Variants in SIPA1L2 observed in about 807,000 individuals in gnomAD.
SIPA1L2 encodes signal induced proliferation associated 1 like 2, also known as signal-induced proliferation-associated 1-like protein 2.
SIPA1L2 carries 56 observed loss-of-function variants against 163.9 expected under a neutral mutation model. The observed-to-expected ratio is 0.34, with a 90% CI of 0.28 to 0.43. The LOEUF is 0.43. Ranked by LOEUF, SIPA1L2 falls within the 20% of genes least tolerant of loss-of-function variation. SIPA1L2 has a pLI of 1.00. For synonymous variants in SIPA1L2, 877 were observed against 865.7 expected (o/e 1.01, Z -0.23); for missense variants, 1,974 against 2,193.5 (o/e 0.90, Z 2.00).
chr1:232,475,745 T>G (rs958915926), intron 7 of SIPA1L2, among the ~76,000 whole-genome samples: 1 of 152,180 alleles, frequency 6.6e-6, no homozygotes, highest in Non-Finnish European at 1.5e-5. Context: ...CAAGAGCAAA[T>G]GTACAAACGA....
At chr1:232,420,561 C>T (rs1260699764) in intron 18 of SIPA1L2, among the ~76,000 whole-genome samples, 3 of 152,056 alleles carry the variant, frequency 2.0e-5, no homozygotes, top group Non-Finnish European at 4.4e-5. Context: ...TGTGGCTGGG[C>T]GTGGTGGCTC....
At position 232,493,587 on chromosome 1, in the gene SIPA1L2, T is replaced by C. The variant is rs1416187871; in HGVS notation, c.1557A>G (p.Glu519=). The C allele has an allele frequency of 3.1e-6, 5 of 1,614,034 alleles. No individual in the cohort carries two copies. Among genetic ancestry groups the C allele is most frequent in the Non-Finnish European group, 4.2e-6 (5 of 1,180,042 alleles). The change falls in exon 4 of 23, where the codon GAA becomes GAG. Residue 519 remains glutamate, a synonymous_variant. Transcript: ENST00000674635. ...VAVSIRREKV[E]DAKEKEGSQF... The stretch of plus-strand genomic sequence containing the variant: ...GGGATCCTTCTTTCTCCTTGGCATC[T>C]TCCACCTTCTCTCTCCGGATGCTGA...
chr1:232,555,753 G>C (rs756107015), intron 2 of SIPA1L2, among the ~76,000 whole-genome samples: 1 of 152,194 alleles, frequency 6.6e-6, no homozygotes, highest in African/African-American at 2.4e-5. Context: ...TGAAAGGACA[G>C]AACAGCAGGG....
Position 232,399,393 on chromosome 1 carries a change from G to A in SIPA1L2, c.5023-120C>T, listed in dbSNP as rs567552737. 2.1e-5 allele frequency: 24 copies of A among 1,130,398 alleles called. No homozygotes were observed. The African/African-American group carries it at 3.0e-4, about 14-fold the overall frequency. The allele number at this position is 1,130,398 out of a possible 1,614,324, so 70.0% of individuals were successfully genotyped here. ...CTTATGTACTTTTTGAGGGGAGAAG[G>A]GGTGACTTTCTTTAGTGAGGGGACT... On this transcript the variant is annotated intron_variant, in intron 22 of 22. Transcript: ENST00000674635.
intron 10 of SIPA1L2, among the ~76,000 whole-genome samples, chr1:232,451,127 G>A (rs979870142): frequency 6.6e-6 from 1 of 152,098 alleles, no homozygotes; most frequent in Non-Finnish European, 1.5e-5. Flanking sequence ...TATGACTAAG[G>A]TGCCAAATTA....
chr1:232,582,210 G>A (rs1243726890), intron 1 of SIPA1L2, among the ~76,000 whole-genome samples: 3 of 151,926 alleles, frequency 2.0e-5, no homozygotes, highest in African/African-American at 7.3e-5. Flanking sequence ...GATACAGGGG[G>A]TACATGTGCA....
rs1311440185 is a variant in SIPA1L2 at position 232,572,760 on chromosome 1, T to TAC, written c.-270+1413_-270+1414insGT. 2.1e-4 allele frequency among the ~76,000 whole-genome samples: 17 copies of TAC among 81,078 alleles called. 1 individual carries two copies. The East Asian group carries it at 3.0e-3, about 14-fold the overall frequency. The allele number at this position is 81,078 out of a possible 152,430, so 53.2% of individuals were successfully genotyped here. A position where few individuals can be genotyped will look rare whatever the true frequency, so the allele number is the denominator to read the frequency against. Reference sequence around the variant, plus strand: ...ATACATATATATATATATATATATATATATATATATATATATATATTTATT... The same window carrying TAC: ...ATACATATATATATATATATATATATACATATATATATATATATATATTTATT... On this transcript the variant is annotated intron_variant, in intron 2 of 22. Coordinates refer to ENST00000674635, the MANE Select transcript of SIPA1L2 (RefSeq NM_020808.5).
At chr1:232,452,203 C>T (rs1663625041) in intron 10 of SIPA1L2, among the ~76,000 whole-genome samples, 1 of 151,978 alleles carries the variant, frequency 6.6e-6, no homozygotes, top group South Asian at 2.1e-4. Flanking sequence ...CATATTCATA[C>T]TCATGGGCTT....
At chr1:232,619,892 G>T (rs756389641) in intron 1 of SIPA1L2, among the ~76,000 whole-genome samples, 5 of 143,114 alleles carry the variant, frequency 3.5e-5, no homozygotes, top group South Asian at 4.4e-4. Context: ...GCTCCAAATA[G>T]ATTTTTTTTT....
At chr1:232,448,466 C>G (rs1183997046) in intron 10 of SIPA1L2, among the ~76,000 whole-genome samples, 1 of 152,212 alleles carries the variant, frequency 6.6e-6, no homozygotes, top group African/African-American at 2.4e-5. Flanking sequence ...ACTCCACTGT[C>G]AGCATGGTAT....
At chr1:232,620,934 G>C (rs1662775607) in intron 1 of SIPA1L2, among the ~76,000 whole-genome samples, 1 of 152,208 alleles carries the variant, frequency 6.6e-6, no homozygotes, top group African/African-American at 2.4e-5. Context: ...GTAAAGTACT[G>C]TGGATGAATC....
rs1664464423 is a variant in SIPA1L2, at chr1:232,465,519, CACACACACACACACAT to C, written c.2244-119_2244-104del. The C allele has an allele frequency of 6.1e-6, 4 of 650,474 alleles. No homozygotes were observed. Among genetic ancestry groups the C allele is most frequent in the African/African-American group, 5.7e-5 (3 of 52,458 alleles). 40.3% of individuals were successfully genotyped at this position (650,474 alleles called of 1,614,324 possible). On this transcript the variant is annotated intron_variant, in intron 8 of 22. Coordinates refer to ENST00000674635, the MANE Select transcript of SIPA1L2 (RefSeq NM_020808.5). This position sits in a 1 kb window ranked among gnomAD's most constrained non-coding sequence, Gnocchi z 4.1. ...ATACACACACACACACATATACATA[CACACACACACACACAT>C]ATACATACACACATACACACACACT...
In SIPA1L2 at chr1:232,416,096, C is replaced by A. The variant is rs1356783183; in HGVS notation, c.4631-471G>T. On this transcript the variant is annotated intron_variant, in intron 18 of 22. Coordinates refer to ENST00000674635, the MANE Select transcript of SIPA1L2 (RefSeq NM_020808.5). The stretch of plus-strand genomic sequence containing the variant: ...TCAGTCAGAACACGGGCACCACTGT[C>A]CCTCCCAGAGTCAGTCAGAACACGG... 7.6e-5 allele frequency among the ~76,000 whole-genome samples: 8 copies of A among 105,054 alleles called. 1 individual carries two copies. Among genetic ancestry groups the A allele is most frequent in the Non-Finnish European group, 1.4e-4 (6 of 42,360 alleles). 68.9% of individuals were successfully genotyped at this position (105,054 alleles called of 152,430 possible). A position where few individuals can be genotyped will look rare whatever the true frequency, so the allele number is the denominator to read the frequency against.
intron 19 of SIPA1L2, among the ~76,000 whole-genome samples, chr1:232,413,891 A>G (rs1661096362): frequency 6.6e-6 from 1 of 152,152 alleles, no homozygotes; most frequent in Non-Finnish European, 1.5e-5. Context: ...TAGTGTGTAA[A>G]GAACACCCCA....
intron 10 of SIPA1L2, among the ~76,000 whole-genome samples, chr1:232,455,612 CGG>C (rs1228284388): frequency 5.6e-5 from 4 of 71,262 alleles, no homozygotes; most frequent in Admixed American, 2.0e-4. Context: ...ACCCGTGAGG[CGG>C]AGCTTGCAGC....
At chr1:232,417,166 T>C (rs1363546526) in intron 18 of SIPA1L2, among the ~76,000 whole-genome samples, 1 of 152,188 alleles carries the variant, frequency 6.6e-6, no homozygotes, top group African/African-American at 2.4e-5. Flanking sequence ...AGCTGTGAAA[T>C]GCTGGCATCT....
intron 10 of SIPA1L2, among the ~76,000 whole-genome samples, chr1:232,457,363 C>T (rs1286497725): frequency 6.6e-6 from 1 of 152,102 alleles, no homozygotes; most frequent in African/African-American, 2.4e-5. Flanking sequence ...GCATTTTTCA[C>T]AACATTTATG....
chr1:232,430,696 C>G (rs1250291008), intron 16 of SIPA1L2, among the ~76,000 whole-genome samples: 1 of 152,212 alleles, frequency 6.6e-6, no homozygotes, highest in Non-Finnish European at 1.5e-5. Flanking sequence ...GGCACACTGA[C>G]CAGGAGCCCT....
intron 1 of SIPA1L2, among the ~76,000 whole-genome samples, chr1:232,618,030 CCAGGAGGTGG>C (rs1444525286): frequency 6.6e-6 from 1 of 152,092 alleles, no homozygotes; most frequent in African/African-American, 2.4e-5. Context: ...ACTGTGGGAT[CCAGGAGGTGG>C]GTACAGAGGT....
Sources: allele counts gnomAD v4.1 joint callset (sites outside exome capture counted in the v4.1 genomes callset), GRCh38; gene constraint gnomAD v4.1.1; non-coding constraint Gnocchi (gnomAD v3.1); transcripts MANE v1.5; gene names NCBI Gene and HGNC (gene_info 2026-07-23, HGNC 2026-07-21).